Variants in LRRTM4 observed in about 807,000 individuals in gnomAD.
LRRTM4 encodes the protein leucine rich repeat transmembrane neuronal 4, also known as leucine-rich repeat transmembrane neuronal protein 4.
LRRTM4 carries 25 observed loss-of-function variants against 47.6 expected under a neutral mutation model. The observed-to-expected ratio is 0.53, with a 90% CI of 0.38 to 0.73. The LOEUF is 0.73. LRRTM4 is among the 30% of genes least tolerant of loss of function. The pLI, the probability that LRRTM4 is intolerant of heterozygous loss-of-function variation, is 0.00. For missense variants in LRRTM4, 638 were observed against 713.4 expected (o/e 0.89, Z 1.20); for synonymous variants, 311 against 269.5 (o/e 1.15, Z -1.51).
intron 3 of LRRTM4, among the ~76,000 whole-genome samples, chr2:76,828,616 G>C (rs948520150): frequency 2.6e-5 from 4 of 152,068 alleles, no homozygotes; most frequent in African/African-American, 9.6e-5. Context: ...TGACATGAAT[G>C]CTAGGTACAA....
chr2:77,276,349 AAAGG>A lies in LRRTM4; in HGVS notation c.1551+241965_1551+241968del, dbSNP rs141526142. Reference sequence around the variant, plus strand: ...GGAAGGAAGGAAGGAAGGAAGGAAAAAAGGAAGGAAGGAGAGAAGGAAGGAAGGA... The same window carrying A: ...GGAAGGAAGGAAGGAAGGAAGGAAAAAAGGAAGGAGAGAAGGAAGGAAGGA... On this transcript the variant is annotated intron_variant, in intron 3 of 3. Transcript: ENST00000409884. Among the ~76,000 whole-genome samples, 359 of 131,742 alleles carry A rather than the reference AAAGG, an allele frequency of 2.7e-3. 1 individual carries two copies. The highest frequency in any genetic ancestry group is 0.013 in the African/African-American group (335 of 25,772). The allele number at this position is 131,742 out of a possible 152,430, so 86.4% of individuals were successfully genotyped here. A position where few individuals can be genotyped will look rare whatever the true frequency, so the allele number is the denominator to read the frequency against.
chr2:77,347,795 G>A (rs1186010898), intron 3 of LRRTM4, among the ~76,000 whole-genome samples: 1 of 151,654 alleles, frequency 6.6e-6, no homozygotes, highest in Non-Finnish European at 1.5e-5. Context: ...CATATTCTTG[G>A]TAGCTCTGGT....
intron 3 of LRRTM4, among the ~76,000 whole-genome samples, chr2:76,795,343 G>T (rs1190981175): frequency 6.6e-6 from 1 of 152,024 alleles, no homozygotes; most frequent in African/African-American, 2.4e-5. Flanking sequence ...ATGTCTGTGA[G>T]TTCTATATCC....
intron 3 of LRRTM4, among the ~76,000 whole-genome samples, chr2:77,362,669 T>C (rs1672287055): frequency 6.6e-6 from 1 of 152,164 alleles, no homozygotes. Flanking sequence ...AAGTAAAATC[T>C]GACCAGTGAT....
chr2:76,954,639 A>G (rs912342286), intron 3 of LRRTM4, among the ~76,000 whole-genome samples: 7 of 151,898 alleles, frequency 4.6e-5, no homozygotes, highest in African/African-American at 1.7e-4. Context: ...AGTATTGGCT[A>G]ACGTGGTCTG....
chr2:77,291,475 A>G (rs1478245486), intron 3 of LRRTM4, among the ~76,000 whole-genome samples: 2 of 152,134 alleles, frequency 1.3e-5, no homozygotes, highest in Non-Finnish European at 2.9e-5. Flanking sequence ...TTGCATGTAC[A>G]TAGGTCTGTC....
At chr2:76,828,597 AG>A (rs992569748) in intron 3 of LRRTM4, among the ~76,000 whole-genome samples, 1 of 151,996 alleles carries the variant, frequency 6.6e-6, no homozygotes, top group African/African-American at 2.4e-5. Flanking sequence ...ACAGCTGTTA[AG>A]TTGTGGGTGA....
At chr2:76,866,525 TCTTTTCCTTACAAAAGGTAAAA>T (rs1367204773) in intron 3 of LRRTM4, among the ~76,000 whole-genome samples, 1 of 152,144 alleles carries the variant, frequency 6.6e-6, no homozygotes, top group Admixed American at 6.5e-5. Flanking sequence ...TGATTTAAAA[TCTTTTCCTTACAAAAGGTAAAA>T]CTTTTAAAAC....
chr2:76,888,128 G>A (rs1673138109), intron 3 of LRRTM4, among the ~76,000 whole-genome samples: 2 of 150,604 alleles, frequency 1.3e-5, no homozygotes, highest in Admixed American at 1.3e-4. Flanking sequence ...ACATATGTGT[G>A]TGTATATATG....
intron 3 of LRRTM4, among the ~76,000 whole-genome samples, chr2:77,061,735 C>T (rs962589080): frequency 2.0e-5 from 3 of 152,104 alleles, no homozygotes; most frequent in African/African-American, 7.2e-5. Context: ...ACATAATGCC[C>T]ATCCATTAAA....
At chr2:77,139,029 A>T (rs959091470) in intron 3 of LRRTM4, among the ~76,000 whole-genome samples, 1 of 152,304 alleles carries the variant, frequency 6.6e-6, no homozygotes, top group Non-Finnish European at 1.5e-5. Flanking sequence ...TTCACAGACA[A>T]ATTCTACCAG....
chr2:77,520,401 C>A (rs539903779), intron 2 of LRRTM4, among the ~76,000 whole-genome samples: 1 of 152,088 alleles, frequency 6.6e-6, no homozygotes, highest in African/African-American at 2.4e-5. Context: ...ATAATAGGAT[C>A]GCAATATGTG....
At chr2:77,511,961 G>A (rs1679030513) in intron 3 of LRRTM4, among the ~76,000 whole-genome samples, 2 of 152,052 alleles carry the variant, frequency 1.3e-5, no homozygotes, top group South Asian at 4.1e-4. Context: ...TTATTTGTAT[G>A]TTTAAGAGAC....
At chr2:77,239,062 A>G (rs186664755) in intron 3 of LRRTM4, among the ~76,000 whole-genome samples, 1 of 151,932 alleles carries the variant, frequency 6.6e-6, no homozygotes, top group African/African-American at 2.4e-5. Context: ...TGAACTAAAG[A>G]AAGAGATTTA....
intron 3 of LRRTM4, among the ~76,000 whole-genome samples, chr2:77,308,797 T>C (rs2104188971): frequency 6.6e-6 from 1 of 152,146 alleles, no homozygotes; most frequent in Non-Finnish European, 1.5e-5. Context: ...GGTTTGTTTT[T>C]GTTTTTGCTT....
intron 3 of LRRTM4, among the ~76,000 whole-genome samples, chr2:76,926,147 T>A (rs1674582795): frequency 6.6e-6 from 1 of 152,186 alleles, no homozygotes; most frequent in African/African-American, 2.4e-5. Context: ...TCTCCTTCTT[T>A]TGGATTGTAA....
chr2:77,196,676 G>C (rs952033677), intron 3 of LRRTM4, among the ~76,000 whole-genome samples: 2 of 152,132 alleles, frequency 1.3e-5, no homozygotes, highest in Admixed American at 6.6e-5. Context: ...AGGAGGTGGA[G>C]GTTGAAGTGA....
At chr2:76,762,752 G>T (rs1321453254) in intron 3 of LRRTM4, among the ~76,000 whole-genome samples, 3 of 152,094 alleles carry the variant, frequency 2.0e-5, no homozygotes, top group African/African-American at 7.2e-5. Context: ...TTGAGGCCAG[G>T]AATTTGAGAC....
intron 3 of LRRTM4, among the ~76,000 whole-genome samples, chr2:76,807,395 T>C (rs1199819487): frequency 8.3e-6 from 1 of 120,084 alleles, no homozygotes; most frequent in African/African-American, 3.9e-5. Flanking sequence ...TATATATATA[T>C]ATATGTATAT....
Sources: allele counts gnomAD v4.1 joint callset (sites outside exome capture counted in the v4.1 genomes callset), GRCh38; gene constraint gnomAD v4.1.1; transcripts MANE v1.5; gene names NCBI Gene and HGNC (gene_info 2026-07-23, HGNC 2026-07-21).